SLC5A12: variants seen among roughly 807,000 people sequenced by gnomAD.
SLC5A12 encodes sodium-coupled monocarboxylate transporter 2.
SLC5A12 carries 46 observed loss-of-function variants against 72.7 expected under a neutral mutation model. That is an observed-to-expected ratio of 0.63 (90% CI 0.50 to 0.81). SLC5A12 has a LOEUF of 0.81. SLC5A12 is among the 30% of genes least tolerant of loss of function. The pLI is 0.00. For synonymous variants in SLC5A12, 275 were observed against 264.4 expected (o/e 1.04, Z -0.39); for missense variants, 683 against 740.7 (o/e 0.92, Z 0.90).
intron 14 of SLC5A12, among the ~76,000 whole-genome samples, 158 bp from the exon 15 acceptor site, chr11:26,671,409 T>C (rs1245162739): frequency 6.6e-6 from 1 of 152,100 alleles, no homozygotes; most frequent in Non-Finnish European, 1.5e-5. Flanking sequence ...ATTGATAACT[T>C]TGATAATCCA....
rs779111111 is a variant in SLC5A12 at position 26,671,157 on chromosome 11, T to C, written c.1802A>G (p.Tyr601Cys). The part of the protein sequence containing the change: ...RRESLVHVPG[Y>C]DPKDKSYNNM... ...GTTGTAGCTTTTGTCCTTAGGATCATAGCCTGGAACATGTACCAGGCTTTC... is the reference window on the plus strand; with the variant it reads ...GTTGTAGCTTTTGTCCTTAGGATCACAGCCTGGAACATGTACCAGGCTTTC... Residue 601 changes from tyrosine to cysteine, a missense_variant, in exon 15 of 15, where the codon TAT becomes TGT. Tyr to Cys is a radical substitution (Grantham distance 194). Transcript: ENST00000396005. The C allele has an allele frequency of 2.5e-6, 4 of 1,612,804 alleles. No homozygotes were observed. Among genetic ancestry groups the C allele is most frequent in the Non-Finnish European group, 3.4e-6 (4 of 1,179,342 alleles).
intron 12 of SLC5A12, among the ~76,000 whole-genome samples, chr11:26,679,429 G>A (rs1216874344): frequency 6.6e-6 from 1 of 152,092 alleles, no homozygotes; most frequent in Non-Finnish European, 1.5e-5. Flanking sequence ...GGTTTATGGG[G>A]AACCATGAAT....
rs769527608 is a variant in SLC5A12, at chr11:26,721,743, T to C, written c.-29A>G. 10 of 1,586,310 alleles carry C rather than the reference T, an allele frequency of 6.3e-6. No individual in the cohort carries two copies. In the East Asian group the frequency reaches 2.0e-4, roughly 32 times the overall value. On this transcript the variant is annotated 5_prime_UTR_variant, in exon 1 of 15. Coordinates refer to ENST00000396005, the MANE Select transcript of SLC5A12 (RefSeq NM_178498.4). The stretch of plus-strand genomic sequence containing the variant: ...GGAAAGTATGACACCAGAGAGTTTC[T>C]TTCAACGAGGTCTCAGGAAGAAGAT...
At chr11:26,709,602 C>CAAATT (rs1473920912) in intron 3 of SLC5A12, among the ~76,000 whole-genome samples, 1 of 151,980 alleles carries the variant, frequency 6.6e-6, no homozygotes, top group African/African-American at 2.4e-5. Context: ...AATGTTAAGT[C>CAAATT]AAATTGTTCC....
At chr11:26,683,947 T>C in intron 10 of SLC5A12, 104 bp from the exon 11 acceptor site, 2 of 795,884 alleles carry the variant, frequency 2.5e-6, no homozygotes, top group Non-Finnish European at 4.1e-6. Flanking sequence ...GTCCTAGTCC[T>C]GACTGTGCCA....
chr11:26,715,290 T>C (rs1272989830), intron 1 of SLC5A12, among the ~76,000 whole-genome samples: 1 of 152,122 alleles, frequency 6.6e-6, no homozygotes, highest in African/African-American at 2.4e-5. Context: ...CCTGAGATTA[T>C]CTGCTTGAGA....
intron 8 of SLC5A12, among the ~76,000 whole-genome samples, chr11:26,695,908 C>T (rs1055146322): frequency 6.6e-6 from 1 of 152,162 alleles, no homozygotes; most frequent in African/African-American, 2.4e-5. Context: ...ACACTCCATA[C>T]AGTTTGTCTC....
Position 26,703,502 on chromosome 11 carries a change from A to G in SLC5A12, c.821+29T>C, listed in dbSNP as rs369567441. ...AGTACCAAATAAGGTAAGATAAAAC[A>G]TTAAAATTTTTCTTGACTGAGAACT... On this transcript the variant is annotated intron_variant, in intron 6 of 14. Coordinates refer to ENST00000396005, the MANE Select transcript of SLC5A12 (RefSeq NM_178498.4). 78 of 1,609,198 alleles carry G rather than the reference A, an allele frequency of 4.8e-5. No homozygotes were observed. The African/African-American group carries it at 9.8e-4, about 20-fold the overall frequency.
intron 1 of SLC5A12, among the ~76,000 whole-genome samples, chr11:26,716,955 T>G (rs1318669615): frequency 6.6e-6 from 1 of 152,156 alleles, no homozygotes; most frequent in East Asian, 1.9e-4. Context: ...CCATCATTTC[T>G]AGAGTAAAAG....
At chr11:26,684,923 G>A (rs919431257) in intron 10 of SLC5A12, among the ~76,000 whole-genome samples, 3 of 152,148 alleles carry the variant, frequency 2.0e-5, no homozygotes, top group African/African-American at 4.8e-5. Context: ...TAAAATAAGT[G>A]CCTGAGATCA....
rs1478739334 is a variant in SLC5A12, at chr11:26,669,761, C to A, written c.*1341G>T. The stretch of plus-strand genomic sequence containing the variant: ...TCTTTTGAGAAATATTTAAAGACAA[C>A]CTTTGGATTTCCTTATCCTTGCCTA... On this transcript the variant is annotated 3_prime_UTR_variant, in exon 15 of 15. Coordinates refer to ENST00000396005, the MANE Select transcript of SLC5A12 (RefSeq NM_178498.4). 6.6e-6 allele frequency: 1 copy of A among 152,012 alleles called. No homozygotes were observed. The highest frequency in any genetic ancestry group is 1.5e-5 in the Non-Finnish European group (1 of 67,986). 9.4% of individuals were successfully genotyped at this position (152,012 alleles called of 1,614,324 possible). A position where few individuals can be genotyped will look rare whatever the true frequency, so the allele number is the denominator to read the frequency against.
chr11:26,669,164 TCTTTTTC>T lies in SLC5A12; in HGVS notation c.*1931_*1937del, dbSNP rs1457266762. ...TTCTGTCTCTCTCTTCCTCTTCCTG[TCTTTTTC>T]TTTCTTTCTTTCTTCTTTTCTTTCT... On this transcript the variant is annotated 3_prime_UTR_variant, in exon 15 of 15. Transcript: ENST00000396005. 17 of 102,470 alleles carry T rather than the reference TCTTTTTC, an allele frequency of 1.7e-4. No homozygotes were observed. Among genetic ancestry groups the T allele is most frequent in the Non-Finnish European group, 2.5e-4 (11 of 44,266 alleles). The allele number at this position is 102,470 out of a possible 1,614,324, so 6.3% of individuals were successfully genotyped here. A position where few individuals can be genotyped will look rare whatever the true frequency, so the allele number is the denominator to read the frequency against.
chr11:26,720,915 T>A (rs1855465106), intron 1 of SLC5A12, among the ~76,000 whole-genome samples: 1 of 152,216 alleles, frequency 6.6e-6, no homozygotes, highest in Non-Finnish European at 1.5e-5. Context: ...GGCCACTAAG[T>A]AGAGATACAG....
In SLC5A12 at chr11:26,703,943, C is replaced by A; in HGVS notation, c.530G>T (p.Gly177Val). The A allele has an allele frequency of 1.2e-6, 2 of 1,613,508 alleles. No individual in the cohort carries two copies. Among genetic ancestry groups the A allele is most frequent in the Non-Finnish European group, 1.7e-6 (2 of 1,179,668 alleles). ...ATCTGTCCACACCACTGCTTTTAAT[C>A]CTCCCTGAAATAGAGAGAATGTTTG... ...IVCTFYCTLG[G>V]LKAVVWTDAF... The change falls in exon 5 of 15, where the codon GGA becomes GTA. Residue 177 changes from glycine (G) to valine (V), a missense_variant. Coordinates refer to ENST00000396005, the MANE Select transcript of SLC5A12 (RefSeq NM_178498.4).
In SLC5A12 at chr11:26,697,191, A is replaced by G. The variant is rs1202546618; in HGVS notation, c.1013T>C (p.Val338Ala). The G allele has an allele frequency of 5.0e-6, 8 of 1,614,042 alleles. No homozygotes were observed. The highest frequency in any genetic ancestry group is 2.2e-5 in the East Asian group (1 of 44,868). ...ATMPGLPGLF[V>A]ACAFSGTLST... is the part of the protein sequence containing the mutation. ...CAGAGTTCCACTGAAGGCACAAGCC[A>G]CAAAAAGTCCTGGCAGTCCTGGCAT... The change falls in exon 8 of 15, where the codon GTG becomes GCG. Residue 338 changes from valine (V) to alanine (A), a missense_variant. By Grantham distance (64) the Val-to-Ala change is moderately conservative. Transcript: ENST00000396005.
chr11:26,705,996 T>C (rs1334978666), intron 4 of SLC5A12, among the ~76,000 whole-genome samples: 1 of 150,214 alleles, frequency 6.7e-6, no homozygotes, highest in Non-Finnish European at 1.5e-5. Flanking sequence ...TCTTTAATAC[T>C]GAGGGTACCT....
chr11:26,721,438 G>C lies in SLC5A12; in HGVS notation c.277C>G (p.Leu93Val). 6.2e-7 allele frequency: 1 copy of C among 1,614,136 alleles called. No individual in the cohort carries two copies. The change falls in exon 1 of 15, where the codon CTC becomes GTC. Residue 93 changes from leucine (L) to valine (V), a missense_variant. Leu to Val is a conservative substitution (Grantham distance 32, BLOSUM62 1). Transcript: ENST00000396005. ...GGGAGAAAGAGCTCTGATGTTAAGAGGATGACAAATAGGTAAGCAATGAAG... is the reference window on the plus strand; with the variant it reads ...GGGAGAAAGAGCTCTGATGTTAAGACGATGACAAATAGGTAAGCAATGAAG... Reference protein sequence around the residue: ...VFFIAYLFVILLTSELFLPVF... With the variant: ...VFFIAYLFVIVLTSELFLPVF...
Position 26,667,397 on chromosome 11 carries a change from C to T in SLC5A12, c.*3705G>A, listed in dbSNP as rs1854020820. 1 of 151,946 alleles carries T rather than the reference C, an allele frequency of 6.6e-6. No homozygotes were observed. Among genetic ancestry groups the T allele is most frequent in the Non-Finnish European group, 1.5e-5 (1 of 67,894 alleles). 9.4% of individuals were successfully genotyped at this position (151,946 alleles called of 1,614,324 possible). A position where few individuals can be genotyped will look rare whatever the true frequency, so the allele number is the denominator to read the frequency against. On this transcript the variant is annotated 3_prime_UTR_variant, in exon 15 of 15. Transcript: ENST00000396005. ...TTTCAGTAATATTCTCTTTGAAATA[C>T]TGTTTGAAAGCCACATGGCCAATGG...
Position 26,692,541 on chromosome 11 carries a change from G to A in SLC5A12, c.1101C>T (p.Ser367=), listed in dbSNP as rs1225659894. 2.5e-6 allele frequency: 4 copies of A among 1,613,914 alleles called. No individual in the cohort carries two copies. The highest frequency in any genetic ancestry group is 1.3e-5 in the African/African-American group (1 of 74,926). ...ATVTFEDFVK[S]CFPHLSDKLS... is the part of the protein sequence containing the mutation. ...GCTTGTCGGAGAGATGAGGAAAACA[G>A]CTCTTGACAAAATCCTCAAAGGTCA... The change falls in exon 9 of 15, where the codon AGC becomes AGT. Residue 367 remains serine (S), a synonymous_variant. Transcript: ENST00000396005.
Sources: gnomAD v4.1 joint callset for allele counts (sites outside exome capture counted in the v4.1 genomes callset) on GRCh38, gnomAD v4.1.1 for gene constraint, MANE v1.5 for transcripts, NCBI Gene and HGNC (gene_info 2026-07-23, HGNC 2026-07-21) for gene names.